The following PLD1 variants were observed in gnomAD, a reference collection of about 807,000 sequenced individuals.
PLD1 encodes the protein phospholipase D1, also known as choline phosphatase 1.
A neutral mutation model predicts 137.1 loss-of-function variants in PLD1; 112 were observed. The observed-to-expected ratio is 0.82, with a 90% CI of 0.70 to 0.96. PLD1 has a LOEUF of 0.96. Ranked by LOEUF, PLD1 falls within the 40% of genes least tolerant of loss-of-function variation. PLD1 has a pLI of 0.00. For synonymous variants in PLD1, 431 were observed against 454.7 expected, an observed-to-expected ratio of 0.95 and a Z score of 0.66; for missense variants, 1,321 against 1,342.0, an observed-to-expected ratio of 0.98 and a Z score of 0.24.
chr3:171,702,487 CAAA>C (rs1404381195), intron 11 of PLD1, among the ~76,000 whole-genome samples: 1 of 126,528 alleles, frequency 7.9e-6, no homozygotes. Flanking sequence ...GACCCTGTCT[CAAA>C]AAAAAAAAAG....
chr3:171,657,620 C>T (rs1737322661), intron 21 of PLD1, among the ~76,000 whole-genome samples: 1 of 152,104 alleles, frequency 6.6e-6, no homozygotes, highest in Admixed American at 6.5e-5. Flanking sequence ...GGGCCCCTAA[C>T]TCACCCCATA....
intron 23 of PLD1, among the ~76,000 whole-genome samples, chr3:171,625,880 C>T (rs113653026): frequency 6.6e-6 from 1 of 151,872 alleles, no homozygotes; most frequent in Non-Finnish European, 1.5e-5. Context: ...ACCAAAAGTA[C>T]ATAAAACCAC....
rs75166317 is a variant in PLD1, at chr3:171,699,692, G to A, written c.1227+53C>T. 1,825 of 1,267,538 alleles carry A rather than the reference G, an allele frequency of 1.4e-3. 16 individuals carry two copies. The African/African-American group carries it at 0.025, about 17-fold the overall frequency. 78.5% of individuals were successfully genotyped at this position (1,267,538 alleles called of 1,614,324 possible). A position where few individuals can be genotyped will look rare whatever the true frequency, so the allele number is the denominator to read the frequency against. On this transcript the variant is annotated intron_variant, in intron 12 of 26. Coordinates refer to ENST00000351298, the MANE Select transcript of PLD1 (RefSeq NM_002662.5). Reference sequence around the variant, plus strand: ...AGGCTTTGAAAAGAAAAGCATTTCAGAGACAACAGACAGTTAAAAAATTAT... The same window carrying A: ...AGGCTTTGAAAAGAAAAGCATTTCAAAGACAACAGACAGTTAAAAAATTAT...
At position 171,662,050 on chromosome 3, in the gene PLD1, C is replaced by A; in HGVS notation, c.2340+10G>T. The A allele has an allele frequency of 6.6e-7, 1 of 1,511,086 alleles. No homozygotes were observed. The allele number at this position is 1,511,086 out of a possible 1,614,324, so 93.6% of individuals were successfully genotyped here. Reference sequence around the variant, plus strand: ...AGTTTCTCACACGAATTTACATGAGCAAGACTTACTTCGATATAGATATAG... The same window carrying A: ...AGTTTCTCACACGAATTTACATGAGAAAGACTTACTTCGATATAGATATAG... On this transcript the variant is annotated intron_variant, in intron 20 of 26. Transcript: ENST00000351298.
At chr3:171,664,754 C>T (rs564495745) in intron 19 of PLD1, among the ~76,000 whole-genome samples, 2 of 152,210 alleles carry the variant, frequency 1.3e-5, no homozygotes, top group South Asian at 2.1e-4. Context: ...CCACCACGCC[C>T]GGCCGGAATC....
intron 6 of PLD1, among the ~76,000 whole-genome samples, chr3:171,727,458 T>C (rs1336770990): frequency 6.6e-6 from 1 of 152,184 alleles, no homozygotes; most frequent in Non-Finnish European, 1.5e-5. Context: ...CATTACATAA[T>C]GTTTAGCATA....
chr3:171,747,565 A>G (rs1720330835), intron 1 of PLD1, among the ~76,000 whole-genome samples: 1 of 151,854 alleles, frequency 6.6e-6, no homozygotes, highest in Admixed American at 6.6e-5. Context: ...GAGCTAGGAT[A>G]GTGTTAGAAC....
intron 11 of PLD1, among the ~76,000 whole-genome samples, chr3:171,704,277 T>C (rs1686301696): frequency 6.6e-6 from 1 of 152,092 alleles, no homozygotes; most frequent in African/African-American, 2.4e-5. Context: ...AAAACCGGCA[T>C]TAAAACAACA....
rs573602554 is a variant in PLD1, at chr3:171,663,038, C to A, written c.2230-868G>T. ...ATTGATCCCATCACCTCAGATTAAA[C>A]CCATCGAAGTGGAGCTCCTGACTTT... On this transcript the variant is annotated intron_variant, in intron 19 of 26. Coordinates refer to ENST00000351298, the MANE Select transcript of PLD1 (RefSeq NM_002662.5). Among the ~76,000 whole-genome samples, 3 of 152,334 alleles carry A rather than the reference C, an allele frequency of 2.0e-5. No homozygotes were observed. The East Asian group carries it at 5.8e-4, about 29-fold the overall frequency.
At chr3:171,764,903 GGAAGGAAGGAAAGAAAGAAAGGAAA>G (rs1721791087) in intron 1 of PLD1, among the ~76,000 whole-genome samples, 1 of 34,394 alleles carries the variant, frequency 2.9e-5, no homozygotes, top group Non-Finnish European at 5.9e-5. Context: ...AAGGAAGGAA[GGAAGGAAGGAAAGAAAGAAAGGAAA>G]GAAAGGAAAG....
Position 171,687,470 on chromosome 3 carries a change from C to G in PLD1, c.1654G>C (p.Gly552Arg). 6.2e-7 allele frequency: 1 copy of G among 1,614,112 alleles called. No individual in the cohort carries two copies. The highest frequency in any genetic ancestry group is 8.5e-7 in the Non-Finnish European group (1 of 1,179,986). Residue 552 changes from glycine (G) to arginine (R), a missense_variant, in exon 15 of 27, where the codon GGA becomes CGA. Transcript: ENST00000351298. ...AATTTGGAGAACTTTCTTGGCTTTC[C>G]TATTCCTTTCAGTTTTGAATCCACA... ...DDVDSKLKGI[G>R]KPRKFSKFSL... is the part of the protein sequence containing the mutation.
intron 1 of PLD1, among the ~76,000 whole-genome samples, chr3:171,751,720 G>A (rs1048210163): frequency 6.6e-6 from 1 of 152,200 alleles, no homozygotes; most frequent in African/African-American, 2.4e-5. Context: ...TAATTTCATG[G>A]CCAAGCGCGG....
chr3:171,656,216 G>A (rs979244057), intron 21 of PLD1, among the ~76,000 whole-genome samples: 1 of 136,506 alleles, frequency 7.3e-6, no homozygotes, highest in East Asian at 2.1e-4. Flanking sequence ...TGTCACCCAG[G>A]CTGGAGTGCA....
At position 171,687,492 on chromosome 3, in the gene PLD1, C is replaced by T; in HGVS notation, c.1632G>A (p.Val544=). 1 of 1,613,814 alleles carries T rather than the reference C, an allele frequency of 6.2e-7. No homozygotes were observed. Reference sequence around the variant, plus strand: ...TTCCTATTCCTTTCAGTTTTGAATCCACATCATCAATACTCTTCTGGATGG... The same window carrying T: ...TTCCTATTCCTTTCAGTTTTGAATCTACATCATCAATACTCTTCTGGATGG... ...NLPIQKSIDD[V]DSKLKGIGKP... is the part of the protein sequence containing the mutation. The change falls in exon 15 of 27, where the codon GTG becomes GTA. Residue 544 remains valine (V), a synonymous_variant. Coordinates refer to ENST00000351298, the MANE Select transcript of PLD1 (RefSeq NM_002662.5).
chr3:171,773,970 G>A (rs1722502768), intron 1 of PLD1, among the ~76,000 whole-genome samples: 1 of 151,978 alleles, frequency 6.6e-6, no homozygotes, highest in African/African-American at 2.4e-5. Flanking sequence ...GGATGGTCTC[G>A]ATCTCCTGAC....
chr3:171,784,712 C>G (rs998519299), intron 1 of PLD1, among the ~76,000 whole-genome samples: 5 of 152,146 alleles, frequency 3.3e-5, no homozygotes, highest in Admixed American at 3.3e-4. Flanking sequence ...AACACAGGCT[C>G]CAAGCCAGAC....
At position 171,659,451 on chromosome 3, in the gene PLD1, A is replaced by T. The variant is rs1378242; in HGVS notation, c.2341-150T>A. 242,811 of 537,442 alleles carry T rather than the reference A, an allele frequency of 0.45. 57,890 individuals carry two copies. Among genetic ancestry groups the T allele is most frequent in the African/African-American group, 0.68 (35,288 of 52,224 alleles). 33.3% of individuals were successfully genotyped at this position (537,442 alleles called of 1,614,324 possible). ...CATCAAGAAAGTCAACGACACAGAA[A>T]AAAAGCCGCCTCATCTCACTCAGGG... On this transcript the variant is annotated intron_variant, in intron 20 of 26. Coordinates refer to ENST00000351298, the MANE Select transcript of PLD1 (RefSeq NM_002662.5).
At chr3:171,628,487 G>C (rs1334394451) in intron 23 of PLD1, among the ~76,000 whole-genome samples, 1 of 152,078 alleles carries the variant, frequency 6.6e-6, no homozygotes, top group African/African-American at 2.4e-5. Flanking sequence ...TAGAAAAAGA[G>C]GGAATCCTCC....
At chr3:171,798,531 TG>T (rs1723519414) in intron 1 of PLD1, among the ~76,000 whole-genome samples, 1 of 152,220 alleles carries the variant, frequency 6.6e-6, no homozygotes, top group African/African-American at 2.4e-5. Flanking sequence ...GTGTCAATAA[TG>T]GTCACTAGCA....
Sources: gnomAD v4.1 joint callset for allele counts (sites outside exome capture counted in the v4.1 genomes callset) on GRCh38, gnomAD v4.1.1 for gene constraint, MANE v1.5 for transcripts, NCBI Gene and HGNC (gene_info 2026-07-23, HGNC 2026-07-21) for gene names.